Variants in BIRC3 observed in about 807,000 individuals in gnomAD.
BIRC3 encodes baculoviral IAP repeat containing 3.
Under a neutral mutation model 59.0 loss-of-function variants are expected in BIRC3, and 26 were observed. The observed-to-expected ratio is 0.44, with a 90% CI of 0.32 to 0.61. The LOEUF is 0.61. Among genes scored for constraint, BIRC3 ranks in the 20% least tolerant of loss-of-function variants. The pLI is 0.04. For synonymous variants in BIRC3, 243 were observed against 249.2 expected (o/e 0.98, Z 0.24); for missense variants, 641 against 711.5 (o/e 0.90, Z 1.13).
At chr11:102,328,770 G>T in intron 4 of BIRC3, 127 bp from the exon 5 acceptor site, 1 of 288,060 alleles carries the variant, frequency 3.5e-6, no homozygotes, top group Non-Finnish European at 6.1e-6. Context: ...TATTTTGCCA[G>T]TAAGCAAGTG....
rs946492771 is a variant in BIRC3 at position 102,322,131 on chromosome 11, T to C, written c.-2379T>C. The C allele has an allele frequency of 9.8e-6, 2 of 203,982 alleles. No homozygotes were observed. Among genetic ancestry groups the C allele is most frequent in the Non-Finnish European group, 2.0e-5 (2 of 99,650 alleles). 12.6% of individuals were successfully genotyped at this position (203,982 alleles called of 1,614,324 possible). On this transcript the variant is annotated 5_prime_UTR_variant, in exon 2 of 9. Coordinates refer to ENST00000263464, the MANE Select transcript of BIRC3 (RefSeq NM_001165.5). Reference sequence around the variant, plus strand: ...TAGCTGGGGCATATTGTTAAAGCATTTTTTTCAGAGTTGGCCAGGCAGTCT... The same window carrying C: ...TAGCTGGGGCATATTGTTAAAGCATCTTTTTCAGAGTTGGCCAGGCAGTCT...
chr11:102,318,058 C>T (rs773756861), intron 1 of BIRC3, among the ~76,000 whole-genome samples: 2 of 152,256 alleles, frequency 1.3e-5, no homozygotes, highest in South Asian at 2.1e-4. Flanking sequence ...TTACTCTGAT[C>T]AATACATTGT....
rs764638130 is a variant in BIRC3, at chr11:102,324,516, A to G, written c.7A>G (p.Ile3Val). The G allele has an allele frequency of 1.1e-5, 18 of 1,609,072 alleles. No homozygotes were observed. The highest frequency in any genetic ancestry group is 1.5e-5 in the Non-Finnish European group (18 of 1,177,202). ...CTTCCCCATTCATTTCATTATGAAC[A>G]TAGTAGAAAACAGCATATTCTTATC... MNIVENSIFLSNL... is the reference protein window; with the variant it reads MNVVENSIFLSNL... Residue 3 changes from isoleucine to valine, a missense_variant, in exon 2 of 9, where the codon ATA becomes GTA. By Grantham distance (29) the Ile-to-Val change is conservative. This residue lies in a region of BIRC3 where 329 missense variants were observed against 365.6 expected (regional missense o/e 0.90). Coordinates refer to ENST00000263464, the MANE Select transcript of BIRC3 (RefSeq NM_001165.5).
intron 1 of BIRC3, among the ~76,000 whole-genome samples, chr11:102,317,819 A>C (rs1263329568): frequency 1.3e-5 from 2 of 152,182 alleles, no homozygotes; most frequent in Non-Finnish European, 2.9e-5. Flanking sequence ...GTTTGGAGTG[A>C]GCCAGTGGAA....
chr11:102,331,973 G>A (rs1427927236), intron 6 of BIRC3, among the ~76,000 whole-genome samples: 4 of 152,136 alleles, frequency 2.6e-5, no homozygotes, highest in Admixed American at 1.3e-4. Flanking sequence ...TAGCATAAAA[G>A]CATGTCTTAG....
At chr11:102,326,779 C>T (rs1160215079) in intron 3 of BIRC3, 2 of 454,662 alleles carry the variant, frequency 4.4e-6, no homozygotes, top group Non-Finnish European at 8.8e-6. Context: ...GTGATGTCAG[C>T]TCACTGCAAC....
chr11:102,330,995 A>G lies in BIRC3; in HGVS notation c.1082-4A>G, dbSNP rs372411802. 34 of 1,607,106 alleles carry G rather than the reference A, an allele frequency of 2.1e-5. No individual in the cohort carries two copies. The African/African-American group carries it at 3.2e-4, about 15-fold the overall frequency. The stretch of plus-strand genomic sequence containing the variant: ...ATATGTGTTAAATTCTTTGTTCCAT[A>G]TAGTTATCCATTTTGAACCTGGAGA... On this transcript the variant is annotated splice_polypyrimidine_tract_variant and splice_region_variant and intron_variant, in intron 5 of 8. Coordinates refer to ENST00000263464, the MANE Select transcript of BIRC3 (RefSeq NM_001165.5).
Position 102,323,963 on chromosome 11 carries a change from G to A in BIRC3, c.-547G>A, listed in dbSNP as rs1381786523. On this transcript the variant is annotated 5_prime_UTR_variant, in exon 2 of 9. Coordinates refer to ENST00000263464, the MANE Select transcript of BIRC3 (RefSeq NM_001165.5). The stretch of plus-strand genomic sequence containing the variant: ...TGGTAATGTATTATTTTCCTCCTTT[G>A]AGTTAGGTCTTGTGCTTTTTTTTCC... 1 of 205,508 alleles carries A rather than the reference G, an allele frequency of 4.9e-6. No individual in the cohort carries two copies. Among genetic ancestry groups the A allele is most frequent in the African/African-American group, 2.3e-5 (1 of 43,770 alleles). 12.7% of individuals were successfully genotyped at this position (205,508 alleles called of 1,614,324 possible).
chr11:102,337,088 A>G lies in BIRC3; in HGVS notation c.1801A>G (p.Thr601Ala), dbSNP rs766231708. 2 of 1,504,932 alleles carry G rather than the reference A, an allele frequency of 1.3e-6. No individual in the cohort carries two copies. Among genetic ancestry groups the G allele is most frequent in the South Asian group, 2.8e-5 (2 of 70,320 alleles). 93.2% of individuals were successfully genotyped at this position (1,504,932 alleles called of 1,614,324 possible). ...GAGTACAATCAAGGGTACAGTTCGT[A>G]CATTTCTTTCATGAAGAAGAACCAA... ...CRSTIKGTVR[T>A]FLS The change falls in exon 9 of 9, where the codon ACA becomes GCA. Residue 601 changes from threonine (T) to alanine (A), a missense_variant. Coordinates refer to ENST00000263464, the MANE Select transcript of BIRC3 (RefSeq NM_001165.5).
At position 102,329,358 on chromosome 11, in the gene BIRC3, T is replaced by C. The variant is rs185130505; in HGVS notation, c.1081+413T>C. Among the ~76,000 whole-genome samples, 5 of 152,326 alleles carry C rather than the reference T, an allele frequency of 3.3e-5. No individual in the cohort carries two copies. The East Asian group carries it at 9.6e-4, about 29-fold the overall frequency. On this transcript the variant is annotated intron_variant, in intron 5 of 8. Transcript: ENST00000263464. The stretch of plus-strand genomic sequence containing the variant: ...TAGTCACCTTTTTAAATAGGGACGC[T>C]GAGGCTCAGAAAGGTTAAATGACTT...
Position 102,328,911 on chromosome 11 carries a change from A to T in BIRC3, c.1047A>T (p.Ser349=). Residue 349 remains serine (S), a synonymous_variant, in exon 5 of 9, where the codon TCA becomes TCT. Coordinates refer to ENST00000263464, the MANE Select transcript of BIRC3 (RefSeq NM_001165.5). The part of the protein sequence containing the change: ...PHLLEQLLST[S]DSPGDENAES... ...TTTTTCTGCAGCTGCTATCCACATC[A>T]GACAGCCCAGGAGATGAAAATGCAG... 2 of 1,397,220 alleles carry T rather than the reference A, an allele frequency of 1.4e-6. No individual in the cohort carries two copies. The highest frequency in any genetic ancestry group is 1.9e-6 in the Non-Finnish European group (2 of 1,069,066). The allele number at this position is 1,397,220 out of a possible 1,614,324, so 86.6% of individuals were successfully genotyped here. A position where few individuals can be genotyped will look rare whatever the true frequency, so the allele number is the denominator to read the frequency against.
chr11:102,328,024 CT>C (rs774358863), intron 3 of BIRC3, 27 bp from the exon 4 acceptor site: 1 of 1,544,972 alleles, frequency 6.5e-7, no homozygotes, highest in Non-Finnish European at 8.8e-7. Flanking sequence ...TAAATAATCC[CT>C]CAAATTTTAT....
intron 3 of BIRC3, among the ~76,000 whole-genome samples, chr11:102,327,439 G>A (rs948634177): frequency 2.6e-5 from 4 of 152,120 alleles, no homozygotes; most frequent in African/African-American, 7.2e-5. Context: ...TCAGGAGTTC[G>A]AGACCAGTAT....
At chr11:102,325,692 G>A in intron 3 of BIRC3, 127 bp downstream of exon 3, 6 of 846,482 alleles carry the variant, frequency 7.1e-6, no homozygotes, top group Non-Finnish European at 8.6e-6. Flanking sequence ...GTTTAGGATG[G>A]ATTACTTAGT....
In BIRC3 at chr11:102,324,478, G is replaced by T; in HGVS notation, c.-32G>T. The T allele has an allele frequency of 1.9e-6, 3 of 1,572,718 alleles. No homozygotes were observed. The highest frequency in any genetic ancestry group is 2.6e-6 in the Non-Finnish European group (3 of 1,159,856). On this transcript the variant is annotated 5_prime_UTR_variant, in exon 2 of 9. Transcript: ENST00000263464. ...CACAAAACTACCTCCCTAGAGAAAG[G>T]CTAGTCCCTTTTCTTCCCCATTCAT...
chr11:102,317,856 G>A (rs1398026465), intron 1 of BIRC3, among the ~76,000 whole-genome samples: 1 of 152,204 alleles, frequency 6.6e-6, no homozygotes, highest in African/African-American at 2.4e-5. Flanking sequence ...TTTTGATTCG[G>A]TTGCCAAGAG....
chr11:102,329,990 C>T (rs1403740131), intron 5 of BIRC3, among the ~76,000 whole-genome samples: 2 of 151,920 alleles, frequency 1.3e-5, no homozygotes, highest in East Asian at 3.8e-4. Flanking sequence ...AACTCCTGGT[C>T]TCATGTATCT....
rs377087042 is a variant in BIRC3 at position 102,332,280 on chromosome 11, G to A, written c.1324+1039G>A. ...TCTCTCCTTTCCCAAGCATGGACCA[G>A]ACCTATAAGTCCCTTCAACACAGCT... On this transcript the variant is annotated intron_variant, in intron 6 of 8. Coordinates refer to ENST00000263464, the MANE Select transcript of BIRC3 (RefSeq NM_001165.5). 9.8e-5 allele frequency among the ~76,000 whole-genome samples: 15 copies of A among 152,310 alleles called. No homozygotes were observed. In the South Asian group the frequency reaches 3.1e-3, roughly 32 times the overall value.
At chr11:102,329,718 A>C (rs1454527697) in intron 5 of BIRC3, among the ~76,000 whole-genome samples, 1 of 152,172 alleles carries the variant, frequency 6.6e-6, no homozygotes, top group Non-Finnish European at 1.5e-5. Flanking sequence ...GTTCTCACTC[A>C]TAGTTGGGAA....
Sources: gnomAD v4.1 joint callset for allele counts (sites outside exome capture counted in the v4.1 genomes callset) on GRCh38, gnomAD v4.1.1 for gene constraint, gnomAD v4.1.1 regional missense constraint, MANE v1.5 for transcripts, NCBI Gene and HGNC (gene_info 2026-07-23, HGNC 2026-07-21) for gene names.